Variants in NUDT21 observed in about 807,000 individuals in gnomAD.
NUDT21 encodes the protein nudix hydrolase 21.
In NUDT21, 5 loss-of-function variants were observed where a neutral mutation model predicts 29.8. That is an observed-to-expected ratio of 0.17 (90% CI 0.09 to 0.35). The LOEUF is 0.35. Among genes scored for constraint, NUDT21 ranks in the 10% least tolerant of loss-of-function variants. NUDT21 has a pLI of 1.00. For synonymous variants in NUDT21, 113 were observed against 98.5 expected (o/e 1.15, Z -0.87); for missense variants, 76 against 276.0 (o/e 0.28, Z 5.13).
At chr16:56,438,751 A>C (rs1962130206) in intron 4 of NUDT21, among the ~76,000 whole-genome samples, 1 of 152,222 alleles carries the variant, frequency 6.6e-6, no homozygotes, top group South Asian at 2.1e-4. Context: ...AATGCAATCG[A>C]AATGGAAACA....
intron 4 of NUDT21, among the ~76,000 whole-genome samples, chr16:56,435,530 T>A (rs1223722420): frequency 6.7e-6 from 1 of 150,316 alleles, no homozygotes; most frequent in Non-Finnish European, 1.5e-5. Flanking sequence ...ATCAAGACCA[T>A]CCTGGCTAGC....
intron 1 of NUDT21, among the ~76,000 whole-genome samples, chr16:56,448,581 C>G (rs1325233111): frequency 6.6e-6 from 1 of 152,164 alleles, no homozygotes; most frequent in Non-Finnish European, 1.5e-5. Context: ...GGCATTTATT[C>G]TATTCAGTCT....
intron 3 of NUDT21, among the ~76,000 whole-genome samples, chr16:56,444,455 G>C (rs1378273713): frequency 6.6e-6 from 1 of 151,714 alleles, no homozygotes; most frequent in African/African-American, 2.4e-5. Flanking sequence ...ATGGTAGTGG[G>C]CACCTGTAAT....
At chr16:56,450,825 G>C (rs1490769932) in intron 1 of NUDT21, among the ~76,000 whole-genome samples, 1 of 152,236 alleles carries the variant, frequency 6.6e-6, no homozygotes, top group African/African-American at 2.4e-5. Context: ...GAAAGGATGA[G>C]TTAAAAGCAA....
Position 56,451,253 on chromosome 16 carries a change from A to T in NUDT21, c.-51T>A. 1 of 1,387,804 alleles carries T rather than the reference A, an allele frequency of 7.2e-7. No homozygotes were observed. The highest frequency in any genetic ancestry group is 1.4e-5 in the African/African-American group (1 of 69,900). 86.0% of individuals were successfully genotyped at this position (1,387,804 alleles called of 1,614,324 possible). On this transcript the variant is annotated 5_prime_UTR_variant, in exon 1 of 7. Coordinates refer to ENST00000300291, the MANE Select transcript of NUDT21 (RefSeq NM_007006.3). ...GAGCAGAAAGTGGCAGGCAGGGTAGACTTTCCCCGTGCGGGAAGCGGTTAT... is the reference window on the plus strand; with the variant it reads ...GAGCAGAAAGTGGCAGGCAGGGTAGTCTTTCCCCGTGCGGGAAGCGGTTAT...
chr16:56,438,802 A>C (rs1962130803), intron 4 of NUDT21, among the ~76,000 whole-genome samples: 1 of 152,234 alleles, frequency 6.6e-6, no homozygotes, highest in South Asian at 2.1e-4. Context: ...AAGGAAAAAA[A>C]AAAGGTGCCA....
chr16:56,446,583 C>G (rs778900162), intron 3 of NUDT21, 43 bp downstream of exon 3: 1 of 1,125,526 alleles, frequency 8.9e-7, no homozygotes, highest in Middle Eastern at 2.0e-4. Context: ...AGCCAAATAA[C>G]TAGTAAGTTG....
chr16:56,441,062 A>T (rs1339216297), intron 3 of NUDT21, among the ~76,000 whole-genome samples: 3 of 151,630 alleles, frequency 2.0e-5, no homozygotes, highest in Non-Finnish European at 2.9e-5. Flanking sequence ...TTTTTAAGAG[A>T]TAGGGTCTTG....
At chr16:56,441,840 C>T (rs935686490) in intron 3 of NUDT21, among the ~76,000 whole-genome samples, 1 of 152,194 alleles carries the variant, frequency 6.6e-6, no homozygotes, top group African/African-American at 2.4e-5. Flanking sequence ...ACTTAAATTT[C>T]TTCCCAATTC....
Position 56,434,824 on chromosome 16 carries a change from T to C in NUDT21, c.477A>G (p.Pro159=). The change falls in exon 5 of 7, where the codon CCA becomes CCG. Residue 159 remains proline (P), a synonymous_variant. Coordinates refer to ENST00000300291, the MANE Select transcript of NUDT21 (RefSeq NM_007006.3). Reference sequence around the variant, plus strand: ...GCTTTGTAATATGTGCAGGAATATATGGATACTGAAATTACAAATGAATAC... The same window carrying C: ...GCTTTGTAATATGTGCAGGAATATACGGATACTGAAATTACAAATGAATAC... The part of the protein sequence containing the change: ...WRPNFEPPQY[P]YIPAHITKPK... 3.2e-6 allele frequency: 5 copies of C among 1,562,582 alleles called. No homozygotes were observed. In the Admixed American group the frequency reaches 6.9e-5, roughly 22 times the overall value.
chr16:56,437,748 T>G (rs1297426503), intron 4 of NUDT21, among the ~76,000 whole-genome samples: 2 of 152,222 alleles, frequency 1.3e-5, no homozygotes, highest in Non-Finnish European at 2.9e-5. Flanking sequence ...CCCTGTATTC[T>G]GCTGCTTCCT....
rs958046310 is a variant in NUDT21, at chr16:56,447,707, A to C, written c.317+82T>G. ...CAGTGTTTGTTGAAATGAATGACCGAGGGCTAAAATTGTATTCCAGAGCTG... is the reference window on the plus strand; with the variant it reads ...CAGTGTTTGTTGAAATGAATGACCGCGGGCTAAAATTGTATTCCAGAGCTG... On this transcript the variant is annotated intron_variant, in intron 2 of 6. Coordinates refer to ENST00000300291, the MANE Select transcript of NUDT21 (RefSeq NM_007006.3). 2.4e-6 allele frequency: 3 copies of C among 1,235,500 alleles called. No homozygotes were observed. In the African/African-American group the frequency reaches 4.5e-5, roughly 18 times the overall value. 76.5% of individuals were successfully genotyped at this position (1,235,500 alleles called of 1,614,324 possible).
rs1962313885 is a variant in NUDT21 at position 56,451,305 on chromosome 16, C to A, written c.-103G>T. 3 of 915,742 alleles carry A rather than the reference C, an allele frequency of 3.3e-6. No individual in the cohort carries two copies. In the Admixed American group the frequency reaches 7.1e-5, roughly 22 times the overall value. The allele number at this position is 915,742 out of a possible 1,614,324, so 56.7% of individuals were successfully genotyped here. On this transcript the variant is annotated 5_prime_UTR_variant, in exon 1 of 7. Transcript: ENST00000300291. Reference sequence around the variant, plus strand: ...TGCAATCCCCTCAGCGGCTACTGCCCGCCATTAACAGGACAGCGCAAGAGG... The same window carrying A: ...TGCAATCCCCTCAGCGGCTACTGCCAGCCATTAACAGGACAGCGCAAGAGG...
At chr16:56,438,842 C>G (rs1262046038) in intron 4 of NUDT21, among the ~76,000 whole-genome samples, 1 of 151,506 alleles carries the variant, frequency 6.6e-6, no homozygotes, top group Non-Finnish European at 1.5e-5. Flanking sequence ...AGAGACTATC[C>G]TAATCCAAAC....
intron 4 of NUDT21, among the ~76,000 whole-genome samples, chr16:56,436,815 T>C (rs1369171878): frequency 1.3e-5 from 2 of 151,394 alleles, no homozygotes; most frequent in Non-Finnish European, 2.9e-5. Flanking sequence ...TAACTAATAC[T>C]CTAGGCTTCC....
In NUDT21 at chr16:56,432,364, G is replaced by T. The variant is rs1962043362; in HGVS notation, c.*348C>A. On this transcript the variant is annotated 3_prime_UTR_variant, in exon 7 of 7. Transcript: ENST00000300291. Reference sequence around the variant, plus strand: ...CAATAAACTTGACTGACTTAAACCTGTCATTGTGTTGCAACATTCACCATC... The same window carrying T: ...CAATAAACTTGACTGACTTAAACCTTTCATTGTGTTGCAACATTCACCATC... 2 of 195,380 alleles carry T rather than the reference G, an allele frequency of 1.0e-5. No individual in the cohort carries two copies. The highest frequency in any genetic ancestry group is 1.1e-4 in the Admixed American group (2 of 17,810). The allele number at this position is 195,380 out of a possible 1,614,324, so 12.1% of individuals were successfully genotyped here.
chr16:56,447,702 G>T, intron 2 of NUDT21, 87 bp downstream of exon 2: 1 of 1,177,330 alleles, frequency 8.5e-7, no homozygotes, highest in South Asian at 1.3e-5. Context: ...TGAAATGAAT[G>T]ACCGAGGGCT....
rs1389556344 is a variant in NUDT21, at chr16:56,431,518, T to G, written c.*1194A>C. The G allele has an allele frequency of 2.6e-5, 4 of 152,216 alleles. No homozygotes were observed. Among genetic ancestry groups the G allele is most frequent in the African/African-American group, 9.7e-5 (4 of 41,446 alleles). The allele number at this position is 152,216 out of a possible 1,614,324, so 9.4% of individuals were successfully genotyped here. A position where few individuals can be genotyped will look rare whatever the true frequency, so the allele number is the denominator to read the frequency against. Reference sequence around the variant, plus strand: ...GAAAATAGCCCTGTGACTGGCACCATACTAATCAAAAGTTCATTTCTATTA... The same window carrying G: ...GAAAATAGCCCTGTGACTGGCACCAGACTAATCAAAAGTTCATTTCTATTA... On this transcript the variant is annotated 3_prime_UTR_variant, in exon 7 of 7. Coordinates refer to ENST00000300291, the MANE Select transcript of NUDT21 (RefSeq NM_007006.3).
Position 56,451,281 on chromosome 16 carries a change from G to A in NUDT21, c.-79C>T. The A allele has an allele frequency of 1.8e-6, 2 of 1,117,132 alleles. No homozygotes were observed. Among genetic ancestry groups the A allele is most frequent in the Non-Finnish European group, 2.6e-6 (2 of 771,268 alleles). The allele number at this position is 1,117,132 out of a possible 1,614,324, so 69.2% of individuals were successfully genotyped here. Reference sequence around the variant, plus strand: ...TTCCCCGTGCGGGAAGCGGTTATCTGCAATCCCCTCAGCGGCTACTGCCCG... The same window carrying A: ...TTCCCCGTGCGGGAAGCGGTTATCTACAATCCCCTCAGCGGCTACTGCCCG... On this transcript the variant is annotated 5_prime_UTR_variant, in exon 1 of 7. Coordinates refer to ENST00000300291, the MANE Select transcript of NUDT21 (RefSeq NM_007006.3).
Sources: allele counts gnomAD v4.1 joint callset (sites outside exome capture counted in the v4.1 genomes callset), GRCh38; gene constraint gnomAD v4.1.1; transcripts MANE v1.5; gene names NCBI Gene and HGNC (gene_info 2026-07-23, HGNC 2026-07-21).